AKR1B15: variants seen among roughly 807,000 people sequenced by gnomAD.
AKR1B15 encodes estradiol 17-beta-dehydrogenase AKR1B15.
AKR1B15 carries 49 observed loss-of-function variants against 38.5 expected under a neutral mutation model. That is an observed-to-expected ratio of 1.27 (90% confidence interval 1.01 to 1.62). AKR1B15 has a LOEUF of 1.62. Among genes scored for constraint, AKR1B15 ranks in the 40% most tolerant of loss-of-function variants. The pLI, the probability that AKR1B15 is intolerant of heterozygous loss-of-function variation, is 0.00. For missense variants in AKR1B15, 411 were observed against 381.6 expected, an observed-to-expected ratio of 1.08 and a Z score of -0.64; for synonymous variants, 137 against 135.5, an observed-to-expected ratio of 1.01 and a Z score of -0.08.
Position 134,579,572 on chromosome 7 carries a change from A to C in AKR1B15, c.*23A>C. 4 of 1,570,546 alleles carry C rather than the reference A, an allele frequency of 2.5e-6. No individual in the cohort carries two copies. Among genetic ancestry groups the C allele is most frequent in the Non-Finnish European group, 3.5e-6 (4 of 1,156,414 alleles). ...TGAGGTTGAATCTCCTGGTGAGATTACACAGGGGATTCTCTTTCTTCGCTG... is the reference window on the plus strand; with the variant it reads ...TGAGGTTGAATCTCCTGGTGAGATTCCACAGGGGATTCTCTTTCTTCGCTG... On this transcript the variant is annotated 3_prime_UTR_variant, in exon 12 of 12. Coordinates refer to ENST00000457545, the MANE Select transcript of AKR1B15 (RefSeq NM_001080538.3).
rs1184939736 is a variant in AKR1B15, at chr7:134,571,581, A to T, written c.436-23A>T. 2.5e-6 allele frequency: 4 copies of T among 1,590,154 alleles called. No homozygotes were observed. In the East Asian group the frequency reaches 6.7e-5, roughly 27 times the overall value. ...AAGTGTCCTGATGCAGATTCCAGTAAACTTTTCATTCTGTATTTACAGACT... is the reference window on the plus strand; with the variant it reads ...AAGTGTCCTGATGCAGATTCCAGTATACTTTTCATTCTGTATTTACAGACT... On this transcript the variant is annotated intron_variant, in intron 5 of 11. Coordinates refer to ENST00000457545, the MANE Select transcript of AKR1B15 (RefSeq NM_001080538.3).
intron 2 of AKR1B15, among the ~76,000 whole-genome samples, chr7:134,562,838 C>CTT (rs1794438886): frequency 4.2e-5 from 2 of 47,574 alleles, no homozygotes; most frequent in South Asian, 1.0e-3. Context: ...CTTTCTCTTT[C>CTT]TTTCTTTCTT....
At chr7:134,569,555 T>G in intron 5 of AKR1B15, 26 bp downstream of exon 5, 1 of 1,612,324 alleles carries the variant, frequency 6.2e-7, no homozygotes, top group Middle Eastern at 1.7e-4. Context: ...TTTCTCAGCC[T>G]CTAGTTTCTG....
At chr7:134,555,598 T>C (rs549254136) in intron 1 of AKR1B15, among the ~76,000 whole-genome samples, 36 of 152,260 alleles carry the variant, frequency 2.4e-4, no homozygotes, top group African/African-American at 7.9e-4. Context: ...CATGACAGGA[T>C]GTGTGTTTGC....
At position 134,557,005 on chromosome 7, in the gene AKR1B15, A is replaced by G. The variant is rs1794220054; in HGVS notation, c.-23+146A>G. 3 of 152,218 alleles carry G rather than the reference A, an allele frequency of 2.0e-5. No individual in the cohort carries two copies. In the South Asian group the frequency reaches 6.2e-4, roughly 32 times the overall value. The allele number at this position is 152,218 out of a possible 1,614,324, so 9.4% of individuals were successfully genotyped here. A position where few individuals can be genotyped will look rare whatever the true frequency, so the allele number is the denominator to read the frequency against. On this transcript the variant is annotated intron_variant, in intron 2 of 11. Coordinates refer to ENST00000457545, the MANE Select transcript of AKR1B15 (RefSeq NM_001080538.3). ...GGAGGTTTATGCACAGCTCTAGAAG[A>G]AAGTTGTTGTTTCTATGCCAATCAG...
chr7:134,562,477 G>A (rs570053055), intron 2 of AKR1B15, among the ~76,000 whole-genome samples: 1 of 152,140 alleles, frequency 6.6e-6, no homozygotes, highest in Admixed American at 6.5e-5. Flanking sequence ...GTGCTGATTG[G>A]TCCATTTTAC....
intron 6 of AKR1B15, among the ~76,000 whole-genome samples, chr7:134,574,847 C>G (rs577579802): frequency 1.3e-5 from 2 of 152,314 alleles, no homozygotes; most frequent in East Asian, 3.9e-4. Context: ...ACTCCGTGGC[C>G]GGGTGCCCCT....
chr7:134,558,436 G>T (rs1794277507), intron 2 of AKR1B15, among the ~76,000 whole-genome samples: 1 of 152,100 alleles, frequency 6.6e-6, no homozygotes, highest in Admixed American at 6.5e-5. Context: ...ACCCAGATTT[G>T]AACTAATAGA....
chr7:134,558,343 C>T (rs1269583305), intron 2 of AKR1B15, among the ~76,000 whole-genome samples: 1 of 152,082 alleles, frequency 6.6e-6, no homozygotes, highest in African/African-American at 2.4e-5. Flanking sequence ...AATAATAGAC[C>T]ATTTTACCCA....
At chr7:134,564,801 C>T in intron 3 of AKR1B15, 32 bp downstream of exon 3, 1 of 629,906 alleles carries the variant, frequency 1.6e-6, no homozygotes. Flanking sequence ...CACCCAATTC[C>T]CAACAGCAGT....
intron 3 of AKR1B15, 90 bp from the exon 4 acceptor site, chr7:134,568,068 G>C (rs1794580462): frequency 1.3e-6 from 2 of 1,494,690 alleles, no homozygotes; most frequent in Non-Finnish European, 1.8e-6. Context: ...GTTTGAACCT[G>C]GGAGTGTGAG....
intron 11 of AKR1B15, 122 bp from the exon 12 acceptor site, chr7:134,579,385 T>C: frequency 1.3e-6 from 1 of 786,782 alleles, no homozygotes; most frequent in Non-Finnish European, 1.9e-6. Context: ...TCTTGTGTTC[T>C]TGCAGGGAGG....
chr7:134,576,209 G>A, intron 8 of AKR1B15, 140 bp from the exon 9 acceptor site: 1 of 1,091,168 alleles, frequency 9.2e-7, no homozygotes, highest in South Asian at 1.6e-5. Flanking sequence ...CCGGGGAAAG[G>A]ACCCAAGCTT....
chr7:134,560,373 C>G (rs549152247), intron 2 of AKR1B15, among the ~76,000 whole-genome samples: 4 of 152,118 alleles, frequency 2.6e-5, no homozygotes, highest in Non-Finnish European at 5.9e-5. Flanking sequence ...CCCAGTGAGG[C>G]CCACAGAGGT....
intron 2 of AKR1B15, among the ~76,000 whole-genome samples, chr7:134,559,217 G>A (rs972678105): frequency 6.6e-6 from 1 of 152,144 alleles, no homozygotes; most frequent in African/African-American, 2.4e-5. Flanking sequence ...CCCGTATGGA[G>A]ATGAGCAAGG....
intron 3 of AKR1B15, among the ~76,000 whole-genome samples, chr7:134,567,468 G>A (rs1794564680): frequency 6.6e-6 from 1 of 151,924 alleles, no homozygotes; most frequent in Non-Finnish European, 1.5e-5. Flanking sequence ...GGCCTGTACT[G>A]AGCCTGTGTG....
chr7:134,565,821 T>A (rs1794520557), intron 3 of AKR1B15, among the ~76,000 whole-genome samples: 1 of 152,170 alleles, frequency 6.6e-6, no homozygotes, highest in Non-Finnish European at 1.5e-5. Context: ...GGGCAGTTTC[T>A]CTCTCTGGCT....
At chr7:134,564,863 C>T (rs1359898695) in intron 3 of AKR1B15, 94 bp downstream of exon 3, 34 of 525,472 alleles carry the variant, frequency 6.5e-5, no homozygotes, top group African/African-American at 6.3e-4. Context: ...GCTGGACTTC[C>T]TGGGTCAAGT....
intron 2 of AKR1B15, 54 bp downstream of exon 2, chr7:134,556,913 G>C (rs1318944433): frequency 6.6e-6 from 1 of 152,184 alleles, no homozygotes; most frequent in African/African-American, 2.4e-5. Flanking sequence ...TACATGCCCA[G>C]GTAGAGTCTC....
Sources: allele counts gnomAD v4.1 joint callset (sites outside exome capture counted in the v4.1 genomes callset), GRCh38; gene constraint gnomAD v4.1.1; transcripts MANE v1.5; gene names NCBI Gene and HGNC (gene_info 2026-07-23, HGNC 2026-07-21).